MFNG: variants seen among roughly 807,000 people sequenced by gnomAD.
MFNG encodes the protein beta-1,3-N-acetylglucosaminyltransferase manic fringe.
A neutral mutation model predicts 34.2 loss-of-function variants in MFNG; 24 were observed. The ratio of observed to expected loss-of-function variants is 0.70; its 90% CI spans 0.51 to 0.99. MFNG has a LOEUF of 0.99. MFNG is among the 50% of genes least tolerant of loss of function. The pLI is 0.00. For synonymous variants in MFNG, 158 were observed against 179.2 expected (o/e 0.88, Z 0.94); for missense variants, 383 against 424.0 (o/e 0.90, Z 0.85).
intron 7 of MFNG, among the ~76,000 whole-genome samples, chr22:37,471,014 TC>T (rs1921779818): frequency 6.6e-6 from 1 of 152,014 alleles, no homozygotes; most frequent in African/African-American, 2.4e-5. Context: ...ACAGAAGCCT[TC>T]CCCGGCCAGC....
rs1357854610 is a variant in MFNG, at chr22:37,482,125, G to A, written c.256-1356C>T. Among the ~76,000 whole-genome samples the A allele has an allele frequency of 2.6e-5, 4 of 152,182 alleles. No individual in the cohort carries two copies. In the East Asian group the frequency reaches 7.7e-4, roughly 29 times the overall value. ...TTGACACAGGAAGGGGCAGGAGGGA[G>A]CCAGGCTATCTCCTAAGGCCCATGG... On this transcript the variant is annotated intron_variant, in intron 1 of 7. Transcript: ENST00000356998. This position sits in a 1 kb window ranked among gnomAD's most constrained non-coding sequence, Gnocchi z 4.1.
At chr22:37,470,117 G>A (rs573036337) in intron 7 of MFNG, 88 bp from the exon 8 acceptor site, 135 of 1,012,888 alleles carry the variant, frequency 1.3e-4, no homozygotes, top group Non-Finnish European at 1.8e-4. Flanking sequence ...CCACAGAGGC[G>A]GTTTGGAGCA....
At chr22:37,484,270 G>C (rs1441972549) in intron 1 of MFNG, 1 of 152,688 alleles carries the variant, frequency 6.5e-6, no homozygotes, top group African/African-American at 2.4e-5. Flanking sequence ...CAGCCAGGCG[G>C]GCGCCCAGCG....
rs771342884 is a variant in MFNG, at chr22:37,479,453, C to T, written c.453G>A (p.Ala151=). The T allele has an allele frequency of 4.1e-5, 66 of 1,610,338 alleles. No homozygotes were observed. Among genetic ancestry groups the T allele is most frequent in the Non-Finnish European group, 5.1e-5 (60 of 1,178,398 alleles). The change falls in exon 4 of 8, where the codon GCG becomes GCA. Residue 151 remains alanine (A), a synonymous_variant. Coordinates refer to ENST00000356998, the MANE Select transcript of MFNG (RefSeq NM_002405.4). ...VDDDNYVNPR[A]LLQLLRAFPL... ...GGAAGGCTCTCAGAAGCTGCAGCAGCGCCCTTGGGTTCACATAGTTGTCAT... is the reference window on the plus strand; with the variant it reads ...GGAAGGCTCTCAGAAGCTGCAGCAGTGCCCTTGGGTTCACATAGTTGTCAT...
At chr22:37,479,929 A>G (rs144580126) in intron 3 of MFNG, among the ~76,000 whole-genome samples, 1,888 of 152,178 alleles carry the variant, frequency 0.012, 53 homozygotes, top group African/African-American at 0.043. Flanking sequence ...GCTTGAATCC[A>G]GGAGCGGAGG....
chr22:37,486,076 C>T lies in MFNG; in HGVS notation c.102G>A (p.Arg34=). 1.2e-6 allele frequency: 2 copies of T among 1,613,648 alleles called. No individual in the cohort carries two copies. Among genetic ancestry groups the T allele is most frequent in the Non-Finnish European group, 1.7e-6 (2 of 1,179,856 alleles). Residue 34 remains arginine, a synonymous_variant, in exon 1 of 8, where the codon CGG becomes CGA. Coordinates refer to ENST00000356998, the MANE Select transcript of MFNG (RefSeq NM_002405.4). ...LRYHLNLSPQ[R]VQGTPELSQP... is the part of the protein sequence containing the mutation. ...GGCTCAGCTCGGGGGTCCCTTGTAC[C>T]CGCTGCGGGGACAGGTTCAAGTGGT... is the stretch of plus-strand genomic sequence containing the variant.
intron 6 of MFNG, 45 bp from the exon 7 acceptor site, chr22:37,472,573 C>A (rs777983051): frequency 6.6e-7 from 1 of 1,515,186 alleles, no homozygotes; most frequent in East Asian, 2.5e-5. Flanking sequence ...CACTGGGGAT[C>A]CCCACAAGGG....
chr22:37,480,616 G>T, intron 2 of MFNG, 105 bp downstream of exon 2: 1 of 1,092,928 alleles, frequency 9.1e-7, no homozygotes, highest in Non-Finnish European at 1.4e-6. Context: ...CATGCCAAGG[G>T]TGGGCGGCCC....
Position 37,472,453 on chromosome 22 carries a change from C to T in MFNG, c.889G>A (p.Asp297Asn), listed in dbSNP as rs1921852101. The change falls in exon 7 of 8, where the codon GAC (aspartate) becomes AAC (asparagine). Residue 297 changes from aspartate to asparagine, a missense_variant. Coordinates refer to ENST00000356998, the MANE Select transcript of MFNG (RefSeq NM_002405.4). Reference sequence around the variant, plus strand: ...AGCCCCCAGACCCACCTGGAGGGGTCCTCCTCCGGGGAGAAGGGGCCCTGT... The same window carrying T: ...AGCCCCCAGACCCACCTGGAGGGGTTCTCCTCCGGGGAGAAGGGGCCCTGT... ...KLQGPFSPEE[D>N]PSRFRSLHCL... 1 of 1,583,104 alleles carries T rather than the reference C, an allele frequency of 6.3e-7. No individual in the cohort carries two copies. The highest frequency in any genetic ancestry group is 2.4e-5 in the East Asian group (1 of 41,864).
intron 5 of MFNG, 122 bp from the exon 6 acceptor site, chr22:37,474,799 A>G (rs769091167): frequency 4.4e-5 from 48 of 1,082,806 alleles, no homozygotes; most frequent in Non-Finnish European, 6.0e-5. Flanking sequence ...CCTCCTGCAT[A>G]CTGTATGACC....
chr22:37,469,887 G>C lies in MFNG; in HGVS notation c.*76C>G. The C allele has an allele frequency of 8.3e-7, 1 of 1,204,272 alleles. No homozygotes were observed. Among genetic ancestry groups the C allele is most frequent in the Non-Finnish European group, 1.2e-6 (1 of 828,666 alleles). The allele number at this position is 1,204,272 out of a possible 1,614,324, so 74.6% of individuals were successfully genotyped here. ...ACTGCCTATCACAAGACACTTGCCA[G>C]GGACCCACAGTGCCACCTTGGGAGC... is the stretch of plus-strand genomic sequence containing the variant. On this transcript the variant is annotated 3_prime_UTR_variant, in exon 8 of 8. Transcript: ENST00000356998.
rs756277518 is a variant in MFNG at position 37,474,681 on chromosome 22, A to C, written c.648-4T>G. 1.3e-6 allele frequency: 2 copies of C among 1,594,384 alleles called. No individual in the cohort carries two copies. Among genetic ancestry groups the C allele is most frequent in the Non-Finnish European group, 1.7e-6 (2 of 1,168,566 alleles). On this transcript the variant is annotated splice_region_variant and splice_polypyrimidine_tract_variant and intron_variant, in intron 5 of 7. Coordinates refer to ENST00000356998, the MANE Select transcript of MFNG (RefSeq NM_002405.4). ...TGTGTCCATGAAACGGGAGCCACTG[A>C]GGGACAGAGCCAGACTGCAGACGCT...
At position 37,477,896 on chromosome 22, in the gene MFNG, C is replaced by T. The variant is rs73166440; in HGVS notation, c.562-915G>A. ...ATCACCCATTTCACAGATTAGGAAACTGAGGCACAGAGAGGTGAGGTGACC... is the reference window on the plus strand; with the variant it reads ...ATCACCCATTTCACAGATTAGGAAATTGAGGCACAGAGAGGTGAGGTGACC... On this transcript the variant is annotated intron_variant, in intron 4 of 7. Coordinates refer to ENST00000356998, the MANE Select transcript of MFNG (RefSeq NM_002405.4). Among the ~76,000 whole-genome samples, 341 of 152,324 alleles carry T rather than the reference C, an allele frequency of 2.2e-3. 2 individuals carry two copies. Among genetic ancestry groups the T allele is most frequent in the Non-Finnish European group, 4.0e-3 (273 of 68,028 alleles).
Position 37,469,573 on chromosome 22 carries a change from G to A in MFNG, c.*390C>T, listed in dbSNP as rs1921712484. On this transcript the variant is annotated 3_prime_UTR_variant, in exon 8 of 8. Coordinates refer to ENST00000356998, the MANE Select transcript of MFNG (RefSeq NM_002405.4). The stretch of plus-strand genomic sequence containing the variant: ...TGGGCGGCCCAGCGCTTGAGCCCCA[G>A]GGGAATGACTGAGAGACATTAGCCA... 2 of 354,014 alleles carry A rather than the reference G, an allele frequency of 5.6e-6. No homozygotes were observed. Among genetic ancestry groups the A allele is most frequent in the South Asian group, 2.2e-5 (1 of 45,322 alleles). The allele number at this position is 354,014 out of a possible 1,614,324, so 21.9% of individuals were successfully genotyped here.
chr22:37,473,162 G>A (rs371843438), intron 6 of MFNG, among the ~76,000 whole-genome samples: 2 of 152,142 alleles, frequency 1.3e-5, no homozygotes, highest in South Asian at 4.2e-4. Context: ...GGGTGGCTGG[G>A]TGCGGTGGCT....
At position 37,483,088 on chromosome 22, in the gene MFNG, G is replaced by A. The variant is rs545679056; in HGVS notation, c.256-2319C>T. On this transcript the variant is annotated intron_variant, in intron 1 of 7. Coordinates refer to ENST00000356998, the MANE Select transcript of MFNG (RefSeq NM_002405.4). This position sits in a 1 kb window ranked among gnomAD's most constrained non-coding sequence, Gnocchi z 4.5. ...CTTAACACATCAAGACTGAGCCCCC[G>A]TTCTCCCCAAGACCTGCTCCTCCCT... Among the ~76,000 whole-genome samples the A allele has an allele frequency of 1.7e-4, 26 of 152,208 alleles. No individual in the cohort carries two copies. The highest frequency in any genetic ancestry group is 5.8e-4 in the African/African-American group (24 of 41,532).
At chr22:37,472,042 G>A (rs1384395903) in intron 7 of MFNG, among the ~76,000 whole-genome samples, 30 of 151,984 alleles carry the variant, frequency 2.0e-4, no homozygotes, top group Admixed American at 2.0e-3. Flanking sequence ...GAGTATCAAA[G>A]AAACAAGGAG....
At chr22:37,473,787 G>C (rs761111052) in intron 6 of MFNG, among the ~76,000 whole-genome samples, 1 of 152,248 alleles carries the variant, frequency 6.6e-6, no homozygotes, top group East Asian at 1.9e-4. Context: ...GGGCCAACTT[G>C]GGGGAGAGCT....
rs142031748 is a variant in MFNG, at chr22:37,482,460, T to TAC, written c.256-1693_256-1692dup. Among the ~76,000 whole-genome samples the TAC allele has an allele frequency of 0.093, 13,800 of 148,558 alleles. 723 individuals carry two copies. The highest frequency in any genetic ancestry group is 0.24 in the East Asian group (1,238 of 5,056). ...ACACACACGCACACACACGCACGCA[T>TAC]ACACACACACACACACACACGCACG... On this transcript the variant is annotated intron_variant, in intron 1 of 7. Coordinates refer to ENST00000356998, the MANE Select transcript of MFNG (RefSeq NM_002405.4). The surrounding 1 kb of genome is among the most constrained non-coding windows in gnomAD (Gnocchi z 4.1).
Sources: gnomAD v4.1 joint callset for allele counts (sites outside exome capture counted in the v4.1 genomes callset) on GRCh38, gnomAD v4.1.1 for gene constraint, Gnocchi (gnomAD v3.1) non-coding constraint, MANE v1.5 for transcripts, NCBI Gene and HGNC (gene_info 2026-07-23, HGNC 2026-07-21) for gene names.